C2orf15: variants seen among roughly 807,000 people sequenced by gnomAD.
The protein encoded by C2orf15 is uncharacterized protein C2orf15.
Under a neutral mutation model 4.4 loss-of-function variants are expected in C2orf15, and 3 were observed. The ratio of observed to expected loss-of-function variants is 0.67; its 90% CI spans 0.31 to 1.74. The LOEUF is 1.74. Ranked by LOEUF, C2orf15 falls within the 40% of genes most tolerant of loss-of-function variation. The pLI is 0.09. For synonymous variants in C2orf15, 37 were observed against 36.8 expected, an observed-to-expected ratio of 1.00 and a Z score of -0.02; for missense variants, 90 against 103.3, an observed-to-expected ratio of 0.87 and a Z score of 0.56.
chr2:99,144,675 G>A (rs1297314294), intron 2 of C2orf15, among the ~76,000 whole-genome samples: 1 of 68,828 alleles, frequency 1.5e-5, no homozygotes, highest in Admixed American at 1.4e-4. Flanking sequence ...AAAAAAAGAT[G>A]CTGAAAGCAT....
In C2orf15 at chr2:99,150,606, T is replaced by C. The variant is rs549725604; in HGVS notation, c.48T>C (p.His16=). The change falls in exon 4 of 4, where the codon CAT becomes CAC. Residue 16 remains histidine (H), a synonymous_variant. Coordinates refer to ENST00000650052, the MANE Select transcript of C2orf15 (RefSeq NM_144706.4). ...CTGCTACTCAGGTATCTGCTATACA[T>C]ATGGATTCAAAAGTGGATGATCACT... The part of the protein sequence containing the change: ...SKSATQVSAI[H]MDSKVDDHLI... 1 of 1,613,918 alleles carries C rather than the reference T, an allele frequency of 6.2e-7. No individual in the cohort carries two copies. Among genetic ancestry groups the C allele is most frequent in the Admixed American group, 1.7e-5 (1 of 60,006 alleles).
intron 2 of C2orf15, among the ~76,000 whole-genome samples, 199 bp downstream of exon 2, chr2:99,142,600 C>T (rs1574746257): frequency 1.3e-5 from 2 of 151,312 alleles, no homozygotes; most frequent in Non-Finnish European, 2.9e-5. Flanking sequence ...AATTAGATAC[C>T]AAAAAAAATT....
chr2:99,144,649 C>CAAAACAAAAAAAAA (rs2093613483), intron 2 of C2orf15, among the ~76,000 whole-genome samples: 1 of 52,272 alleles, frequency 1.9e-5, no homozygotes, highest in Non-Finnish European at 3.5e-5. Flanking sequence ...AACTCTGTCT[C>CAAAACAAAAAAAAA]AAAAAAAAAA....
chr2:99,148,255 GA>G (rs2093652272), intron 3 of C2orf15: 1 of 152,140 alleles, frequency 6.6e-6, no homozygotes, highest in African/African-American at 2.4e-5. Flanking sequence ...AAGAAAAAGA[GA>G]AACCAAATAG....
At chr2:99,149,431 T>C (rs191625953) in intron 3 of C2orf15, among the ~76,000 whole-genome samples, 213 of 147,048 alleles carry the variant, frequency 1.4e-3, no homozygotes, top group Middle Eastern at 3.5e-3. Context: ...CCCTCCATGC[T>C]ACATGATCAT....
intron 2 of C2orf15, among the ~76,000 whole-genome samples, chr2:99,144,505 C>T (rs900772892): frequency 1.3e-5 from 2 of 151,262 alleles, no homozygotes; most frequent in Non-Finnish European, 2.9e-5. Context: ...TGAAAGCAGG[C>T]GGGGCACGGT....
intron 3 of C2orf15, 113 bp from the exon 4 acceptor site, chr2:99,150,370 C>CA (rs1259343699): frequency 1.7e-6 from 1 of 589,394 alleles, no homozygotes; most frequent in Admixed American, 3.5e-5. Flanking sequence ...AGGTAGGAGG[C>CA]AATTTTACTT....
intron 3 of C2orf15, 69 bp downstream of exon 3, chr2:99,147,562 G>A: frequency 7.6e-7 from 1 of 1,308,132 alleles, no homozygotes; most frequent in Non-Finnish European, 1.1e-6. Context: ...TTAGATTGAA[G>A]TTTAATGTGC....
Position 99,144,649 on chromosome 2 carries a change from CAAAAAAA to C in C2orf15, c.-169+2264_-169+2270del, listed in dbSNP as rs70940140. Among the ~76,000 whole-genome samples, 31 of 52,266 alleles carry C rather than the reference CAAAAAAA, an allele frequency of 5.9e-4. 1 individual carries two copies. Among genetic ancestry groups the C allele is most frequent in the Middle Eastern group, 0.019 (1 of 54 alleles). The allele number at this position is 52,266 out of a possible 152,430, so 34.3% of individuals were successfully genotyped here. On this transcript the variant is annotated intron_variant, in intron 2 of 3. Coordinates refer to ENST00000650052, the MANE Select transcript of C2orf15 (RefSeq NM_144706.4). ...GGGGGACAAGAACAAAACTCTGTCT[CAAAAAAA>C]AAAAAAAAAAAAAAAGATGCTGAAA...
Position 99,147,332 on chromosome 2 carries a change from G to A in C2orf15, c.-168-70G>A, listed in dbSNP as rs1486747057. On this transcript the variant is annotated intron_variant, in intron 2 of 3. Transcript: ENST00000650052. ...CCTATCTTAATATCTAGTAAAGAAA[G>A]CCACTTTGTTCTTTTTCTCCAGATT... 3.5e-6 allele frequency: 3 copies of A among 860,060 alleles called. No homozygotes were observed. In the South Asian group the frequency reaches 4.8e-5, roughly 14 times the overall value. 53.3% of individuals were successfully genotyped at this position (860,060 alleles called of 1,614,324 possible). A position where few individuals can be genotyped will look rare whatever the true frequency, so the allele number is the denominator to read the frequency against.
At chr2:99,145,471 T>C (rs1574760030) in intron 2 of C2orf15, among the ~76,000 whole-genome samples, 1 of 151,238 alleles carries the variant, frequency 6.6e-6, no homozygotes, top group African/African-American at 2.4e-5. Context: ...GGCACGAGAA[T>C]CACTTGAACC....
intron 3 of C2orf15, chr2:99,148,374 C>T (rs552549409): frequency 2.6e-5 from 4 of 152,224 alleles, no homozygotes; most frequent in African/African-American, 9.6e-5. Flanking sequence ...ACCCATATTT[C>T]AGAATTTCAT....
intron 2 of C2orf15, among the ~76,000 whole-genome samples, chr2:99,144,759 C>A (rs1052185002): frequency 6.6e-6 from 1 of 151,408 alleles, no homozygotes; most frequent in African/African-American, 2.4e-5. Context: ...GTTCCAGGCC[C>A]CATGTCACTA....
At chr2:99,149,760 A>T (rs1045774831) in intron 3 of C2orf15, among the ~76,000 whole-genome samples, 4 of 137,106 alleles carry the variant, frequency 2.9e-5, no homozygotes, top group African/African-American at 8.2e-5. Context: ...CTTTTTACAG[A>T]CTAGACATCC....
rs778151271 is a variant in C2orf15 at position 99,150,832 on chromosome 2, T to C, written c.274T>C (p.Ter92ArgextTer16). The change falls in exon 4 of 4, where the codon TGA (stop) becomes CGA (arginine). Residue 92 changes from the stop codon to arginine (R), a stop_lost. Coordinates refer to ENST00000650052, the MANE Select transcript of C2orf15 (RefSeq NM_144706.4). ...TGGACTAGAAATGACAGATGTGGAA[T>C]GAAGCAATTTGTACGTATTACCAAA... ...SDGLEMTDVE* is the reference protein window; with the variant it reads ...SDGLEMTDVER 1 of 1,576,336 alleles carries C rather than the reference T, an allele frequency of 6.3e-7. No individual in the cohort carries two copies. Among genetic ancestry groups the C allele is most frequent in the South Asian group, 1.2e-5 (1 of 84,722 alleles).
intron 3 of C2orf15, among the ~76,000 whole-genome samples, chr2:99,148,681 A>C (rs369564128): frequency 6.6e-5 from 10 of 152,314 alleles, no homozygotes; most frequent in African/African-American, 2.4e-4. Context: ...CATTCTAAAA[A>C]GTGGGTGAGG....
intron 2 of C2orf15, among the ~76,000 whole-genome samples, chr2:99,145,873 T>TA (rs1369617828): frequency 6.6e-6 from 1 of 152,026 alleles, no homozygotes; most frequent in East Asian, 1.9e-4. Context: ...CATGGTGGCT[T>TA]ACGCCAGTAA....
At chr2:99,143,042 G>T (rs1014239189) in intron 2 of C2orf15, among the ~76,000 whole-genome samples, 9 of 150,552 alleles carry the variant, frequency 6.0e-5, no homozygotes, top group African/African-American at 2.2e-4. Flanking sequence ...AAGAACTGTT[G>T]ACTTTCTCCC....
chr2:99,144,666 A>AAAAAAAAAAAAAAAC, intron 2 of C2orf15, among the ~76,000 whole-genome samples: 1 of 151,488 alleles, frequency 6.6e-6, no homozygotes. Flanking sequence ...AAAAAAAAAA[A>AAAAAAAAAAAAAAAC]AAAAAGATGC....
Sources: gnomAD v4.1 joint callset for allele counts (sites outside exome capture counted in the v4.1 genomes callset) on GRCh38, gnomAD v4.1.1 for gene constraint, MANE v1.5 for transcripts, NCBI Gene and HGNC (gene_info 2026-07-23, HGNC 2026-07-21) for gene names.